Variants in STK4 observed in about 807,000 individuals in gnomAD.
STK4 encodes serine/threonine kinase 4, also known as serine/threonine-protein kinase 4.
STK4 carries 30 observed loss-of-function variants against 64.9 expected under a neutral mutation model. The observed-to-expected ratio is 0.46, with a 90% CI of 0.35 to 0.63. The LOEUF (loss-of-function observed/expected upper bound fraction) is 0.63. Ranked by LOEUF, STK4 falls within the 20% of genes least tolerant of loss-of-function variation. The pLI is 0.01. For synonymous variants in STK4, 177 were observed against 199.0 expected (o/e 0.89, Z 0.93); for missense variants, 466 against 598.5 (o/e 0.78, Z 2.31).
chr20:45,035,542 C>T (rs1021736370), intron 10 of STK4, among the ~76,000 whole-genome samples: 1 of 152,192 alleles, frequency 6.6e-6, no homozygotes, highest in East Asian at 1.9e-4. Context: ...CTTATGACTT[C>T]TTCTATAAAA....
chr20:45,017,583 G>A (rs565181484), intron 9 of STK4, among the ~76,000 whole-genome samples: 2 of 152,264 alleles, frequency 1.3e-5, no homozygotes, highest in South Asian at 4.1e-4. Context: ...TTGAAAGTAA[G>A]GAGTTTGAAC....
At chr20:45,009,398 T>G (rs778383228) in intron 9 of STK4, among the ~76,000 whole-genome samples, 2 of 152,178 alleles carry the variant, frequency 1.3e-5, no homozygotes, top group Non-Finnish European at 2.9e-5. Flanking sequence ...GGTCTATGTG[T>G]CTGTTGTTGT....
intron 5 of STK4, among the ~76,000 whole-genome samples, chr20:44,988,487 A>C (rs916741880): frequency 1.3e-5 from 2 of 148,364 alleles, no homozygotes; most frequent in Non-Finnish European, 3.0e-5. Flanking sequence ...ATCTCAAAAA[A>C]AAAATGTGTA....
chr20:45,052,419 CAT>C (rs1160826696), intron 10 of STK4, among the ~76,000 whole-genome samples: 2 of 152,102 alleles, frequency 1.3e-5, no homozygotes, highest in East Asian at 3.8e-4. Flanking sequence ...AACATTTTCT[CAT>C]ATCATTAAAA....
intron 9 of STK4, among the ~76,000 whole-genome samples, chr20:45,023,665 G>A (rs1052770229): frequency 3.3e-5 from 5 of 152,098 alleles, no homozygotes; most frequent in African/African-American, 1.2e-4. Context: ...AATCATGCCA[G>A]GTAAAATTAT....
At chr20:45,043,314 G>A (rs1049035626) in intron 10 of STK4, among the ~76,000 whole-genome samples, 8 of 152,122 alleles carry the variant, frequency 5.3e-5, no homozygotes, top group African/African-American at 1.9e-4. Flanking sequence ...TTTTACATTT[G>A]TTTAGAAGGC....
chr20:44,969,442 G>C (rs2067207328), intron 1 of STK4, among the ~76,000 whole-genome samples: 1 of 152,192 alleles, frequency 6.6e-6, no homozygotes, highest in Non-Finnish European at 1.5e-5. Context: ...CAGAAATTCA[G>C]ATGGCATGTG....
intron 5 of STK4, among the ~76,000 whole-genome samples, chr20:44,988,686 A>G (rs557552541): frequency 2.0e-4 from 31 of 151,514 alleles, no homozygotes; most frequent in African/African-American, 7.0e-4. Context: ...AATATGTACA[A>G]TTCAGTGTTT....
At chr20:45,008,995 TGTTGATA>T (rs1412761661) in intron 9 of STK4, among the ~76,000 whole-genome samples, 2 of 152,182 alleles carry the variant, frequency 1.3e-5, no homozygotes, top group African/African-American at 4.8e-5. Flanking sequence ...TTGTTTACAC[TGTTGATA>T]GTTTCTTTTG....
At chr20:44,983,992 T>C (rs2067484836) in intron 4 of STK4, among the ~76,000 whole-genome samples, 1 of 152,014 alleles carries the variant, frequency 6.6e-6, no homozygotes, top group Non-Finnish European at 1.5e-5. Flanking sequence ...ACTGGAATAA[T>C]TTATTGAATT....
chr20:45,042,891 G>A (rs765305773), intron 10 of STK4, among the ~76,000 whole-genome samples: 28 of 151,876 alleles, frequency 1.8e-4, no homozygotes, highest in Admixed American at 4.6e-4. Context: ...GGATGTGCTG[G>A]TTTTTTACAT....
chr20:45,026,445 G>A (rs996097131), intron 10 of STK4, among the ~76,000 whole-genome samples: 1 of 151,794 alleles, frequency 6.6e-6, no homozygotes, highest in African/African-American at 2.4e-5. Context: ...AGATTTTTAG[G>A]CAGCAGGAAT....
intron 9 of STK4, chr20:45,007,904 G>A: frequency 3.6e-6 from 1 of 281,340 alleles, no homozygotes; most frequent in Non-Finnish European, 7.2e-6. Flanking sequence ...CTCACCTCTA[G>A]TAGTCTGCAA....
At chr20:45,023,024 G>C (rs2068276268) in intron 9 of STK4, among the ~76,000 whole-genome samples, 1 of 152,164 alleles carries the variant, frequency 6.6e-6, no homozygotes, top group African/African-American at 2.4e-5. Flanking sequence ...TTCCTACAAA[G>C]GAGTTGCTCT....
chr20:45,055,688 T>G (rs1003178885), intron 10 of STK4, among the ~76,000 whole-genome samples: 4 of 151,832 alleles, frequency 2.6e-5, no homozygotes, highest in African/African-American at 9.7e-5. Context: ...GCTTACTAAT[T>G]TTTAATTATC....
intron 10 of STK4, among the ~76,000 whole-genome samples, chr20:45,062,249 T>C (rs1318642420): frequency 6.6e-6 from 1 of 152,218 alleles, no homozygotes; most frequent in Non-Finnish European, 1.5e-5. Context: ...TCCATGTTGC[T>C]GCAGAGGACA....
Position 44,997,252 on chromosome 20 carries a change from A to G in STK4, c.777A>G (p.Lys259=), listed in dbSNP as rs1282794410. Residue 259 remains lysine (K), a synonymous_variant, in exon 7 of 11, where the codon AAA becomes AAG. Transcript: ENST00000372806. ...LWSDNFTDFV[K]QCLVKSPEQR... ...CAGATAACTTTACAGATTTTGTGAAACAGTGTCTTGTAAAGAGCCCTGAGC... is the reference window on the plus strand; with the variant it reads ...CAGATAACTTTACAGATTTTGTGAAGCAGTGTCTTGTAAAGAGCCCTGAGC... 1 of 1,613,834 alleles carries G rather than the reference A, an allele frequency of 6.2e-7. No homozygotes were observed. The highest frequency in any genetic ancestry group is 1.3e-5 in the African/African-American group (1 of 75,046).
At chr20:44,994,873 GTTTC>G (rs887824378) in intron 5 of STK4, among the ~76,000 whole-genome samples, 46 of 151,576 alleles carry the variant, frequency 3.0e-4, no homozygotes, top group African/African-American at 1.1e-3. Context: ...ATCTTTTTGT[GTTTC>G]TTTGTCATTT....
At chr20:44,990,440 T>C (rs1433335706) in intron 5 of STK4, among the ~76,000 whole-genome samples, 1 of 152,058 alleles carries the variant, frequency 6.6e-6, no homozygotes, top group Admixed American at 6.5e-5. Flanking sequence ...TGTTGTTTTG[T>C]TAAAAAAAAT....
Sources: gnomAD v4.1 joint callset for allele counts (sites outside exome capture counted in the v4.1 genomes callset) on GRCh38, gnomAD v4.1.1 for gene constraint, MANE v1.5 for transcripts, NCBI Gene and HGNC (gene_info 2026-07-23, HGNC 2026-07-21) for gene names.